GTF2F2: variants seen among roughly 807,000 people sequenced by gnomAD.
The protein encoded by GTF2F2 is general transcription factor IIF subunit 2, also known as ATP-dependent helicase GTF2F2.
GTF2F2 carries 23 observed loss-of-function variants against 42.2 expected under a neutral mutation model. That is an observed-to-expected ratio of 0.55 (90% CI 0.39 to 0.77). GTF2F2 has a LOEUF of 0.77. GTF2F2 is among the 30% of genes least tolerant of loss of function. GTF2F2 has a pLI of 0.00. For missense variants in GTF2F2, 261 were observed against 287.2 expected, an observed-to-expected ratio of 0.91 and a Z score of 0.66; for synonymous variants, 105 against 100.8, an observed-to-expected ratio of 1.04 and a Z score of -0.25.
chr13:45,282,517 T>G (rs1877307303), intron 7 of GTF2F2, among the ~76,000 whole-genome samples: 1 of 152,176 alleles, frequency 6.6e-6, no homozygotes, highest in South Asian at 2.1e-4. Flanking sequence ...ATTTATTTGT[T>G]TTTTGAGACA....
chr13:45,280,760 A>C (rs7317086), intron 7 of GTF2F2, among the ~76,000 whole-genome samples: 87,608 of 152,076 alleles, frequency 0.58, 27,786 homozygotes, highest in African/African-American at 0.86. Flanking sequence ...CCTTTTTAGG[A>C]TTTTCATTTT....
At chr13:45,129,064 G>A (rs1425363566) in intron 1 of GTF2F2, among the ~76,000 whole-genome samples, 2 of 152,178 alleles carry the variant, frequency 1.3e-5, no homozygotes, top group Non-Finnish European at 2.9e-5. Flanking sequence ...TCCTGATCTG[G>A]TTAATATGTT....
rs538797285 is a variant in GTF2F2 at position 45,267,334 on chromosome 13, C to T, written c.588C>T (p.Tyr196=). ...MLFSAFEKHQ[Y]YNLKDLVDIT... Reference sequence around the variant, plus strand: ...TTTCAGCCTTTGAGAAACATCAATACTATAATCTTAAGGACTTGGTGGACA... The same window carrying T: ...TTTCAGCCTTTGAGAAACATCAATATTATAATCTTAAGGACTTGGTGGACA... The change falls in exon 7 of 8, where the codon TAC becomes TAT. Residue 196 remains tyrosine (Y), a synonymous_variant. Coordinates refer to ENST00000340473, the MANE Select transcript of GTF2F2 (RefSeq NM_004128.3). 256 of 1,610,658 alleles carry T rather than the reference C, an allele frequency of 1.6e-4. 2 individuals are homozygous for T. The South Asian group carries it at 2.6e-3, about 16-fold the overall frequency.
intron 5 of GTF2F2, among the ~76,000 whole-genome samples, chr13:45,210,827 G>A (rs1284173677): frequency 6.6e-6 from 1 of 152,120 alleles, no homozygotes; most frequent in Non-Finnish European, 1.5e-5. Context: ...TAAGCTGGGT[G>A]GAATCTAAAG....
chr13:45,151,221 A>G (rs943202871), intron 3 of GTF2F2, among the ~76,000 whole-genome samples: 6 of 152,116 alleles, frequency 3.9e-5, no homozygotes, highest in African/African-American at 9.7e-5. Flanking sequence ...AAGTGAGAAC[A>G]TGTGGTATTT....
chr13:45,280,013 G>A (rs931496373), intron 7 of GTF2F2, among the ~76,000 whole-genome samples: 4 of 151,988 alleles, frequency 2.6e-5, no homozygotes, highest in Admixed American at 2.6e-4. Flanking sequence ...AAGGTTGTGC[G>A]GTGTGAAATG....
intron 5 of GTF2F2, among the ~76,000 whole-genome samples, chr13:45,224,590 TCCC>T (rs1191984234): frequency 3.3e-5 from 5 of 152,316 alleles, no homozygotes; most frequent in African/African-American, 1.2e-4. Context: ...GGAGGAACAC[TCCC>T]TTTGGGTCAC....
At chr13:45,124,776 G>A (rs867309177) in intron 1 of GTF2F2, among the ~76,000 whole-genome samples, 2 of 152,062 alleles carry the variant, frequency 1.3e-5, no homozygotes, top group Admixed American at 6.6e-5. Flanking sequence ...ATGTTGGCCA[G>A]GATGGTCTTG....
chr13:45,276,755 A>C (rs1173813763), intron 7 of GTF2F2, among the ~76,000 whole-genome samples: 3 of 152,194 alleles, frequency 2.0e-5, no homozygotes, highest in Non-Finnish European at 4.4e-5. Flanking sequence ...ACAGTTTAGA[A>C]GCATGTCTTT....
At chr13:45,153,395 G>A (rs756623373) in intron 4 of GTF2F2, among the ~76,000 whole-genome samples, 3 of 151,888 alleles carry the variant, frequency 2.0e-5, no homozygotes, top group Non-Finnish European at 4.4e-5. Context: ...TTTCTTGGAT[G>A]TACAGTATAA....
chr13:45,174,640 T>C (rs565146994), intron 4 of GTF2F2, among the ~76,000 whole-genome samples: 55 of 149,096 alleles, frequency 3.7e-4, no homozygotes, highest in South Asian at 3.2e-3. Flanking sequence ...TTTTCTTTTT[T>C]TTTTTTTTTT....
At chr13:45,240,143 CA>C (rs1343956908) in intron 5 of GTF2F2, among the ~76,000 whole-genome samples, 1 of 113,124 alleles carries the variant, frequency 8.8e-6, no homozygotes, top group Non-Finnish European at 1.7e-5. Context: ...TTAGCCTGAA[CA>C]CCAACTGCCA....
rs569449203 is a variant in GTF2F2 at position 45,231,012 on chromosome 13, TATTA to T, written c.387-21855_387-21852del. 9.8e-4 allele frequency among the ~76,000 whole-genome samples: 149 copies of T among 152,162 alleles called. 1 individual carries two copies. The highest frequency in any genetic ancestry group is 3.0e-3 in the African/African-American group (125 of 41,572). On this transcript the variant is annotated intron_variant, in intron 5 of 7. Transcript: ENST00000340473. ...TTAACTTCTTCAGGTTCAATTCTAG[TATTA>T]ATTGTTTGTCATTGTATCACAGAAG...
At chr13:45,193,786 A>G (rs768815718) in intron 4 of GTF2F2, 1 of 1,575,232 alleles carries the variant, frequency 6.3e-7, no homozygotes. Flanking sequence ...TGACACAGGT[A>G]ATTACTTGAT....
chr13:45,282,653 C>T (rs1184021319), intron 7 of GTF2F2, among the ~76,000 whole-genome samples: 2 of 152,134 alleles, frequency 1.3e-5, no homozygotes, highest in Non-Finnish European at 2.9e-5. Flanking sequence ...TACAGGTTCC[C>T]ACCACCATGC....
At chr13:45,225,900 G>A (rs911360953) in intron 5 of GTF2F2, among the ~76,000 whole-genome samples, 1 of 152,110 alleles carries the variant, frequency 6.6e-6, no homozygotes, top group Non-Finnish European at 1.5e-5. Flanking sequence ...GTTACAGGAA[G>A]TTCAATTTGA....
At chr13:45,234,975 G>A (rs1309385175) in intron 5 of GTF2F2, among the ~76,000 whole-genome samples, 1 of 145,544 alleles carries the variant, frequency 6.9e-6, no homozygotes, top group Non-Finnish European at 1.5e-5. Context: ...AACCCAGGAG[G>A]CAGAGCTTGC....
chr13:45,270,608 C>G (rs1566157593), intron 7 of GTF2F2, among the ~76,000 whole-genome samples: 1 of 152,138 alleles, frequency 6.6e-6, no homozygotes, highest in Non-Finnish European at 1.5e-5. Context: ...CCAATTCTTA[C>G]TACTGCCACA....
In GTF2F2 at chr13:45,191,224, A is replaced by AAAAAATATAT; in HGVS notation, c.305-16199_305-16198insAAAATATATA. 5.4e-4 allele frequency among the ~76,000 whole-genome samples: 41 copies of AAAAAATATAT among 75,292 alleles called. 1 individual carries two copies. The highest frequency in any genetic ancestry group is 2.3e-3 in the African/African-American group (23 of 9,988). 49.4% of individuals were successfully genotyped at this position (75,292 alleles called of 152,430 possible). On this transcript the variant is annotated intron_variant, in intron 4 of 7. Coordinates refer to ENST00000340473, the MANE Select transcript of GTF2F2 (RefSeq NM_004128.3). ...GTCTCTACTAAAAATACAAAAAAAA[A>AAAAAATATAT]ATATATATATATATATATATATATA...
Sources: allele counts gnomAD v4.1 joint callset (sites outside exome capture counted in the v4.1 genomes callset), GRCh38; gene constraint gnomAD v4.1.1; transcripts MANE v1.5; gene names NCBI Gene and HGNC (gene_info 2026-07-23, HGNC 2026-07-21).